Variants in RGS12 observed in about 807,000 individuals in gnomAD.
RGS12 encodes the protein regulator of G-protein signaling 12.
RGS12 carries 66 observed loss-of-function variants against 120.1 expected under a neutral mutation model. The ratio of observed to expected loss-of-function variants is 0.55; its 90% CI spans 0.45 to 0.67. The LOEUF (loss-of-function observed/expected upper bound fraction) is 0.67. RGS12 is among the 30% of genes least tolerant of loss of function. The probability of loss-of-function intolerance (pLI) is 0.00; values close to 1 mark genes in which losing one functional copy is unlikely to be tolerated. For missense variants in RGS12, 1,859 were observed against 1,957.7 expected, an observed-to-expected ratio of 0.95 and a Z score of 0.95; for synonymous variants, 827 against 804.7, an observed-to-expected ratio of 1.03 and a Z score of -0.47.
intron 2 of RGS12, among the ~76,000 whole-genome samples, chr4:3,323,561 CA>C (rs1560663923): frequency 6.6e-6 from 1 of 152,148 alleles, no homozygotes; most frequent in Non-Finnish European, 1.5e-5. Context: ...AGTTATATAT[CA>C]ATTTTAAAAA....
intron 2 of RGS12, among the ~76,000 whole-genome samples, chr4:3,325,150 T>C (rs1725474668): frequency 6.6e-6 from 1 of 152,220 alleles, no homozygotes; most frequent in African/African-American, 2.4e-5. Flanking sequence ...AGGAGTTTTC[T>C]GAAAGGTGAT....
chr4:3,398,358 T>C (rs756805251), intron 4 of RGS12, among the ~76,000 whole-genome samples: 1 of 152,186 alleles, frequency 6.6e-6, no homozygotes, highest in Admixed American at 6.5e-5. Context: ...GGTGCACACC[T>C]ATAATCCTAG....
At chr4:3,432,109 T>C (rs1316787238) in intron 17 of RGS12, 1 of 985,370 alleles carries the variant, frequency 1.0e-6, no homozygotes, top group Non-Finnish European at 1.2e-6. Flanking sequence ...GGTGGACACC[T>C]GTGTGGCTCT....
chr4:3,431,169 G>A (rs1724264196), intron 17 of RGS12: 1 of 1,412,084 alleles, frequency 7.1e-7, no homozygotes, highest in African/African-American at 1.5e-5. Context: ...TCCCCCCGAG[G>A]CGCTCTGGGC....
intron 4 of RGS12, among the ~76,000 whole-genome samples, chr4:3,395,215 A>G (rs1719930991): frequency 6.6e-6 from 1 of 152,050 alleles, no homozygotes; most frequent in Admixed American, 6.6e-5. Flanking sequence ...TCTAAAAAAA[A>G]AAAAAAAGAC....
At chr4:3,396,418 T>G (rs1435245400) in intron 4 of RGS12, among the ~76,000 whole-genome samples, 2 of 152,242 alleles carry the variant, frequency 1.3e-5, no homozygotes, top group Non-Finnish European at 2.9e-5. Context: ...CTTCAATATT[T>G]AAATCTCTGA....
At chr4:3,438,681 G>A (rs1336884126) in intron 17 of RGS12, among the ~76,000 whole-genome samples, 1 of 152,148 alleles carries the variant, frequency 6.6e-6, no homozygotes, top group African/African-American at 2.4e-5. Context: ...CCTGGGTAGG[G>A]AGGCCTCCCG....
At chr4:3,328,519 C>T (rs1191157395) in intron 2 of RGS12, among the ~76,000 whole-genome samples, 1 of 152,180 alleles carries the variant, frequency 6.6e-6, no homozygotes, top group Non-Finnish European at 1.5e-5. Context: ...CACGTAGGCC[C>T]TCACCAGGTG....
At chr4:3,439,361 T>G (rs1056016719) in intron 17 of RGS12, 94 bp from the exon 18 acceptor site, 1 of 1,230,410 alleles carries the variant, frequency 8.1e-7, no homozygotes, top group Non-Finnish European at 1.2e-6. Flanking sequence ...ACCCCTACCA[T>G]GCTGTCTGTG....
intron 3 of RGS12, among the ~76,000 whole-genome samples, chr4:3,355,469 G>T (rs930089945): frequency 6.6e-6 from 1 of 152,066 alleles, no homozygotes; most frequent in Non-Finnish European, 1.5e-5. Flanking sequence ...CGGATGATGT[G>T]ATTGTTACTG....
At chr4:3,400,725 A>G (rs1179785294) in intron 4 of RGS12, among the ~76,000 whole-genome samples, 1 of 141,948 alleles carries the variant, frequency 7.0e-6, no homozygotes, top group African/African-American at 2.7e-5. Context: ...TATTAGTAAT[A>G]CTCATTAGTA....
Position 3,318,001 on chromosome 4 carries a change from A to G in RGS12, c.1831A>G (p.Ser611Gly). 1.2e-6 allele frequency: 2 copies of G among 1,612,206 alleles called. No homozygotes were observed. The highest frequency in any genetic ancestry group is 1.7e-6 in the Non-Finnish European group (2 of 1,179,222). ...EWSRKAFGMQ[S>G]IFGPHRNVRK... ...GTCCAGGAAGGCCTTTGGAATGCAA[A>G]GCATTTTTGGTCCCCATCGAAATGT... Residue 611 changes from serine (S) to glycine (G), a missense_variant, in exon 2 of 18, where the codon AGC becomes GGC. By Grantham distance (56) the Ser-to-Gly change is moderately conservative. This residue lies in a region of RGS12 where 967 missense variants were observed against 994.2 expected (regional missense o/e 0.97). Transcript: ENST00000336727.
intron 3 of RGS12, among the ~76,000 whole-genome samples, chr4:3,356,393 A>G (rs1714903333): frequency 6.6e-6 from 1 of 152,042 alleles, no homozygotes; most frequent in Admixed American, 6.6e-5. Context: ...ACATACAACA[A>G]AATTTATTAT....
chr4:3,422,842 TG>T, intron 11 of RGS12, 62 bp from the exon 12 acceptor site: 1 of 1,413,476 alleles, frequency 7.1e-7, no homozygotes, highest in African/African-American at 1.4e-5. Context: ...CTGGGGCACG[TG>T]GGTCTGCGTT....
intron 2 of RGS12, among the ~76,000 whole-genome samples, chr4:3,340,294 G>A (rs886278368): frequency 6.6e-6 from 1 of 152,232 alleles, no homozygotes; most frequent in Non-Finnish European, 1.5e-5. Flanking sequence ...TGCTGCTGTC[G>A]TCCCATGGCA....
intron 4 of RGS12, among the ~76,000 whole-genome samples, chr4:3,400,240 T>G (rs1193295585): frequency 6.6e-6 from 1 of 152,244 alleles, no homozygotes; most frequent in African/African-American, 2.4e-5. Context: ...TATAGAAGTT[T>G]GTAAATAAAA....
chr4:3,298,451 A>T (rs1053271929), intron 1 of RGS12, among the ~76,000 whole-genome samples: 2 of 152,128 alleles, frequency 1.3e-5, no homozygotes, highest in African/African-American at 4.8e-5. Context: ...CCTGGGCTCA[A>T]GCGATCCCCC....
chr4:3,423,037 C>T, intron 12 of RGS12, 59 bp downstream of exon 12: 2 of 1,393,244 alleles, frequency 1.4e-6, no homozygotes, highest in Non-Finnish European at 1.0e-6. Flanking sequence ...CGTGTGCCCA[C>T]CACCTGCTGG....
intron 3 of RGS12, among the ~76,000 whole-genome samples, chr4:3,362,189 G>A (rs527630933): frequency 2.0e-5 from 3 of 152,186 alleles, no homozygotes; most frequent in African/African-American, 4.8e-5. Flanking sequence ...GCTGGGGACC[G>A]AGGTGGGGGA....
Sources: gnomAD v4.1 joint callset for allele counts (sites outside exome capture counted in the v4.1 genomes callset) on GRCh38, gnomAD v4.1.1 for gene constraint, gnomAD v4.1.1 regional missense constraint, MANE v1.5 for transcripts, NCBI Gene and HGNC (gene_info 2026-07-23, HGNC 2026-07-21) for gene names.